DLGAP5: variants seen among roughly 807,000 people sequenced by gnomAD.
The protein encoded by DLGAP5 is disks large-associated protein 5.
In DLGAP5, 90 loss-of-function variants were observed where a neutral mutation model predicts 99.6. The observed-to-expected ratio is 0.90, with a 90% CI of 0.76 to 1.08. The LOEUF (loss-of-function observed/expected upper bound fraction) is 1.08, where lower values mean the gene tolerates loss of function less well. Ranked by LOEUF, DLGAP5 falls within the 50% of genes least tolerant of loss-of-function variation. The pLI, the probability that DLGAP5 is intolerant of heterozygous loss-of-function variation, is 0.00. For synonymous variants in DLGAP5, 311 were observed against 321.3 expected (o/e 0.97, Z 0.34); for missense variants, 1,036 against 983.5 (o/e 1.05, Z -0.71).
chr14:55,148,287 A>G lies in DLGAP5; in HGVS notation c.*64T>C. On this transcript the variant is annotated 3_prime_UTR_variant, in exon 19 of 19. Transcript: ENST00000247191. ...ACAAATACATTTTCTCCAAAATTTC[A>G]ATAGTCTAAGGAATATATAAGCATT... is the stretch of plus-strand genomic sequence containing the variant. The G allele has an allele frequency of 6.6e-7, 1 of 1,520,328 alleles. No individual in the cohort carries two copies. Among genetic ancestry groups the G allele is most frequent in the Non-Finnish European group, 9.0e-7 (1 of 1,115,652 alleles). 94.2% of individuals were successfully genotyped at this position (1,520,328 alleles called of 1,614,324 possible).
chr14:55,151,471 CT>C (rs1164431636), intron 17 of DLGAP5, among the ~76,000 whole-genome samples: 5 of 151,568 alleles, frequency 3.3e-5, no homozygotes, highest in Non-Finnish European at 7.4e-5. Flanking sequence ...TTGCAGTGAG[CT>C]GAGATCACAC....
At chr14:55,171,173 A>C (rs1882845579) in intron 10 of DLGAP5, among the ~76,000 whole-genome samples, 1 of 152,226 alleles carries the variant, frequency 6.6e-6, no homozygotes, top group Non-Finnish European at 1.5e-5. Context: ...TTAAAGCTAA[A>C]AACTGTTAAT....
At chr14:55,162,922 G>T in intron 13 of DLGAP5, 49 bp downstream of exon 13, 1 of 978,184 alleles carries the variant, frequency 1.0e-6, no homozygotes, top group Non-Finnish European at 1.5e-6. Context: ...ATGTATAACA[G>T]TTCCTTAACT....
chr14:55,150,863 A>C lies in DLGAP5; in HGVS notation c.2369-15T>G, dbSNP rs1423184758. On this transcript the variant is annotated splice_polypyrimidine_tract_variant and intron_variant, in intron 17 of 18. Transcript: ENST00000247191. The stretch of plus-strand genomic sequence containing the variant: ...ATCAAATAGTTCTGAAAAACAACAA[A>C]AAAAAACTTTTTAAAGAATATTCTC... 5.2e-6 allele frequency: 8 copies of C among 1,551,578 alleles called. No homozygotes were observed. The highest frequency in any genetic ancestry group is 2.3e-5 in the East Asian group (1 of 43,188).
In DLGAP5 at chr14:55,169,413, T is replaced by C. The variant is rs1304200557; in HGVS notation, c.1534A>G (p.Met512Val). The change falls in exon 12 of 19, where the codon ATG (methionine) becomes GTG (valine). Residue 512 changes from methionine (M) to valine (V), a missense_variant. Coordinates refer to ENST00000247191, the MANE Select transcript of DLGAP5 (RefSeq NM_014750.5). ...TCTDLDGFWD[M>V]VSFQIEDVIH... ...GAACCACATACCTGAAAACTAACCA[T>C]ATCCCAAAATCCATCCAGATCTGTA... is the stretch of plus-strand genomic sequence containing the variant. 2.7e-6 allele frequency: 4 copies of C among 1,491,066 alleles called. No individual in the cohort carries two copies. The Admixed American group carries it at 6.9e-5, about 26-fold the overall frequency. 92.4% of individuals were successfully genotyped at this position (1,491,066 alleles called of 1,614,324 possible).
At chr14:55,169,099 C>CT (rs1882752177) in intron 12 of DLGAP5, among the ~76,000 whole-genome samples, 1 of 146,864 alleles carries the variant, frequency 6.8e-6, no homozygotes, top group Admixed American at 7.0e-5. Context: ...TGGTGTGAAC[C>CT]TGGGGGGCAG....
intron 10 of DLGAP5, among the ~76,000 whole-genome samples, chr14:55,174,777 G>A (rs914508522): frequency 1.3e-4 from 19 of 151,442 alleles, no homozygotes; most frequent in Non-Finnish European, 2.5e-4. Context: ...TGCAACCTCC[G>A]CCTCCCAGGT....
At chr14:55,166,725 A>G (rs900338176) in intron 12 of DLGAP5, among the ~76,000 whole-genome samples, 3 of 151,966 alleles carry the variant, frequency 2.0e-5, no homozygotes, top group African/African-American at 7.2e-5. Context: ...GTGAAACTCC[A>G]TCTCAAAAAA....
intron 5 of DLGAP5, 61 bp from the exon 6 acceptor site, chr14:55,180,839 A>T: frequency 6.4e-7 from 1 of 1,567,330 alleles, no homozygotes; most frequent in South Asian, 1.1e-5. Flanking sequence ...TATTGCTGTG[A>T]AGCCAGGCAT....
chr14:55,160,775 A>G (rs1270881064), intron 13 of DLGAP5, among the ~76,000 whole-genome samples: 1 of 152,184 alleles, frequency 6.6e-6, no homozygotes, highest in Non-Finnish European at 1.5e-5. Flanking sequence ...TAAGTGCCTA[A>G]TAACTTAAGC....
chr14:55,170,160 T>TA (rs984116812), intron 11 of DLGAP5, among the ~76,000 whole-genome samples: 108 of 141,328 alleles, frequency 7.6e-4, no homozygotes, highest in Middle Eastern at 3.7e-3. Context: ...ATAAATAAAT[T>TA]AAAAAAAAAA....
intron 14 of DLGAP5, 67 bp from the exon 15 acceptor site, chr14:55,154,873 C>T (rs1566494230): frequency 1.5e-5 from 21 of 1,379,838 alleles, no homozygotes; most frequent in East Asian, 4.7e-5. Flanking sequence ...ACTAGGAATA[C>T]GGTGAAAATC....
chr14:55,187,595 G>A (rs915223723), intron 2 of DLGAP5, among the ~76,000 whole-genome samples: 3 of 151,304 alleles, frequency 2.0e-5, no homozygotes, highest in African/African-American at 4.9e-5. Flanking sequence ...GGGATTACAG[G>A]CATGAGCCAC....
chr14:55,176,934 C>A, intron 8 of DLGAP5, 128 bp downstream of exon 8: 2 of 727,542 alleles, frequency 2.7e-6, no homozygotes, highest in South Asian at 5.0e-5. Context: ...GGGGAGATCA[C>A]GCCACTGCAC....
chr14:55,169,854 T>C (rs1882791460), intron 11 of DLGAP5, among the ~76,000 whole-genome samples: 1 of 148,386 alleles, frequency 6.7e-6, no homozygotes, highest in Admixed American at 6.8e-5. Context: ...GGCTCATGCC[T>C]GCGGGCGCGG....
At chr14:55,180,952 A>G (rs1883252644) in intron 5 of DLGAP5, among the ~76,000 whole-genome samples, 174 bp from the exon 6 acceptor site, 1 of 152,162 alleles carries the variant, frequency 6.6e-6, no homozygotes. Flanking sequence ...CCCCGTCTCT[A>G]CAAAAAATAT....
At chr14:55,169,856 C>T (rs1307287244) in intron 11 of DLGAP5, among the ~76,000 whole-genome samples, 3 of 135,142 alleles carry the variant, frequency 2.2e-5, no homozygotes, top group Non-Finnish European at 5.2e-5. Context: ...CTCATGCCTG[C>T]GGGCGCGGTG....
At chr14:55,179,842 T>C in intron 6 of DLGAP5, 143 bp from the exon 7 acceptor site, 1 of 648,890 alleles carries the variant, frequency 1.5e-6, no homozygotes, top group East Asian at 3.0e-5. Flanking sequence ...TAAAAAGGGT[T>C]ATGGAATTTC....
chr14:55,182,543 C>G (rs1316006633), intron 3 of DLGAP5, 111 bp from the exon 4 acceptor site: 1 of 778,502 alleles, frequency 1.3e-6, no homozygotes, highest in Admixed American at 2.9e-5. Flanking sequence ...TATCCTTAAT[C>G]TCTTATAGCA....
Sources: allele counts gnomAD v4.1 joint callset (sites outside exome capture counted in the v4.1 genomes callset), GRCh38; gene constraint gnomAD v4.1.1; transcripts MANE v1.5; gene names NCBI Gene and HGNC (gene_info 2026-07-23, HGNC 2026-07-21).